The following PCDH11X variants were observed in gnomAD, a reference collection of about 807,000 sequenced individuals.
PCDH11X encodes protocadherin 11 X-linked, also known as protocadherin-11 X-linked.
In PCDH11X, 18 loss-of-function variants were observed where a neutral mutation model predicts 53.3. That is an observed-to-expected ratio of 0.34 (90% CI 0.23 to 0.50). PCDH11X has a LOEUF of 0.50. PCDH11X is among the 20% of genes least tolerant of loss of function. PCDH11X has a pLI of 0.98. For missense variants in PCDH11X, 570 were observed against 1,032.4 expected (o/e 0.55, Z 6.14); for synonymous variants, 279 against 393.3 (o/e 0.71, Z 3.44).
chrX:91,814,446 A>G (rs913482546), intron 4 of PCDH11X, among the ~76,000 whole-genome samples: 4 of 109,128 alleles, frequency 3.7e-5, no homozygotes, highest in African/African-American at 1.3e-4. Flanking sequence ...AAGCTTTTTA[A>G]TCTAAATTAC....
At chrX:92,390,230 T>C (rs1229382461) in intron 9 of PCDH11X, among the ~76,000 whole-genome samples, 1 of 110,007 alleles carries the variant, frequency 9.1e-6, no homozygotes, top group Non-Finnish European at 1.9e-5. Context: ...CCCTAAATCA[T>C]GTTCCAAGAA....
chrX:91,829,440 ACACC>A (rs1437803518), intron 4 of PCDH11X, among the ~76,000 whole-genome samples: 3,152 of 69,851 alleles, frequency 0.045, 98 homozygotes, highest in African/African-American at 0.14. Context: ...ACACACACAC[ACACC>A]CACAATTATA....
chrX:92,381,568 T>G (rs2070875035), intron 8 of PCDH11X, among the ~76,000 whole-genome samples: 1 of 111,830 alleles, frequency 8.9e-6, no homozygotes, highest in African/African-American at 3.2e-5. Context: ...TTTACTAACA[T>G]TAAACAAGAA....
intron 8 of PCDH11X, among the ~76,000 whole-genome samples, chrX:92,334,518 A>G (rs71201681): frequency 1.8e-5 from 2 of 111,705 alleles, no homozygotes. Flanking sequence ...GTTCTTGTGT[A>G]TATTTCATCA....
At chrX:91,944,374 C>T (rs3876311) in intron 6 of PCDH11X, among the ~76,000 whole-genome samples, 39,010 of 104,841 alleles carry the variant, frequency 0.37, 5,789 homozygotes, top group East Asian at 0.62. Context: ...TAGTGATCTT[C>T]AGCACATCAA....
chrX:92,196,541 G>A (rs943884968), intron 6 of PCDH11X, among the ~76,000 whole-genome samples: 2 of 111,159 alleles, frequency 1.8e-5, no homozygotes, highest in African/African-American at 6.5e-5. Context: ...ATTAATGTCT[G>A]CCTTACCCGT....
chrX:92,617,284 C>G (rs1928078222), intron 10 of PCDH11X, among the ~76,000 whole-genome samples: 1 of 111,581 alleles, frequency 9.0e-6, no homozygotes, highest in African/African-American at 3.3e-5. Context: ...CTCAAGTCTT[C>G]TATGCATTTA....
rs897795976 is a variant in PCDH11X at position 92,571,874 on chromosome X, T to A, written c.3368-46390T>A. ...GGAAGGAAGGATAAATGGCAAATGTTGGATGGGACCAATATTTAATAGGGT... is the reference window on the plus strand; with the variant it reads ...GGAAGGAAGGATAAATGGCAAATGTAGGATGGGACCAATATTTAATAGGGT... On this transcript the variant is annotated intron_variant, in intron 10 of 10. Transcript: ENST00000682573. 2.7e-5 allele frequency among the ~76,000 whole-genome samples: 3 copies of A among 112,218 alleles called. 1 individual carries two copies. The highest frequency in any genetic ancestry group is 9.7e-5 in the African/African-American group (3 of 30,903).
intron 8 of PCDH11X, among the ~76,000 whole-genome samples, chrX:92,366,380 C>A (rs1283571188): frequency 1.8e-5 from 2 of 110,165 alleles, no homozygotes; most frequent in Non-Finnish European, 3.8e-5. Flanking sequence ...TCTCTCTTTT[C>A]TTCCTTACTA....
intron 10 of PCDH11X, among the ~76,000 whole-genome samples, chrX:92,549,917 CTT>C (rs1283223114): frequency 9.0e-6 from 1 of 111,587 alleles, no homozygotes; most frequent in Non-Finnish European, 1.9e-5. Flanking sequence ...ATATCAATCA[CTT>C]AAAGCATTTA....
intron 6 of PCDH11X, among the ~76,000 whole-genome samples, chrX:92,063,925 G>A (rs371930823): frequency 0.022 from 2,308 of 106,553 alleles, 41 homozygotes; most frequent in Middle Eastern, 0.039. Context: ...TGCTGTGCTG[G>A]AGGGACTGAA....
intron 8 of PCDH11X, among the ~76,000 whole-genome samples, chrX:92,316,313 A>G (rs5942202): frequency 0.22 from 24,437 of 110,186 alleles, 2,052 homozygotes; most frequent in Non-Finnish European, 0.23. Flanking sequence ...GTGAAAGCAT[A>G]AAATCGCATA....
At chrX:92,049,603 GA>G (rs901000557) in intron 6 of PCDH11X, among the ~76,000 whole-genome samples, 2 of 110,553 alleles carry the variant, frequency 1.8e-5, no homozygotes, top group South Asian at 3.9e-4. Flanking sequence ...TTTATGGATA[GA>G]AAAAAATAGT....
intron 7 of PCDH11X, among the ~76,000 whole-genome samples, chrX:92,207,773 A>G (rs1397744653): frequency 8.9e-6 from 1 of 111,898 alleles, no homozygotes; most frequent in Non-Finnish European, 1.9e-5. Flanking sequence ...CATGTCTCCT[A>G]CAAAAAACAT....
At chrX:91,889,502 G>A (rs1386801793) in intron 6 of PCDH11X, among the ~76,000 whole-genome samples, 2 of 111,468 alleles carry the variant, frequency 1.8e-5, no homozygotes, top group African/African-American at 3.3e-5. Flanking sequence ...TAGTAGAAAC[G>A]GGGTTTCGCC....
chrX:92,266,860 T>G (rs1639384085), intron 8 of PCDH11X, among the ~76,000 whole-genome samples: 1 of 109,661 alleles, frequency 9.1e-6, no homozygotes, highest in Non-Finnish European at 1.9e-5. Context: ...TTCTCCTGCC[T>G]CAGCCTCCCG....
At chrX:91,831,333 A>T (rs920803784) in intron 4 of PCDH11X, among the ~76,000 whole-genome samples, 1 of 106,273 alleles carries the variant, frequency 9.4e-6, no homozygotes, top group African/African-American at 3.4e-5. Context: ...ATCAATTTCC[A>T]AACTAACATT....
intron 8 of PCDH11X, among the ~76,000 whole-genome samples, chrX:92,324,693 A>G (rs1330038179): frequency 1.0e-5 from 1 of 96,346 alleles, no homozygotes; most frequent in African/African-American, 3.9e-5. Context: ...AAAAACTTTT[A>G]TTTTCAGGGG....
intron 7 of PCDH11X, among the ~76,000 whole-genome samples, chrX:92,207,728 A>C (rs2148330987): frequency 9.0e-6 from 1 of 111,668 alleles, no homozygotes; most frequent in South Asian, 3.7e-4. Context: ...GTTTGACTTT[A>C]ATTTTCCAAA....
Sources: allele counts gnomAD v4.1 joint callset (sites outside exome capture counted in the v4.1 genomes callset), GRCh38; gene constraint gnomAD v4.1.1; transcripts MANE v1.5; gene names NCBI Gene and HGNC (gene_info 2026-07-23, HGNC 2026-07-21).